Variants in ARHGAP6 observed in about 807,000 individuals in gnomAD.
ARHGAP6 encodes the protein rho GTPase-activating protein 6.
Under a neutral mutation model 55.7 loss-of-function variants are expected in ARHGAP6, and 16 were observed. The ratio of observed to expected loss-of-function variants is 0.29; its 90% CI spans 0.19 to 0.44. The LOEUF is 0.44. Ranked by LOEUF, ARHGAP6 falls within the 20% of genes least tolerant of loss-of-function variation. The pLI is 1.00. For missense variants in ARHGAP6, 698 were observed against 808.9 expected (o/e 0.86, Z 1.66); for synonymous variants, 382 against 360.9 (o/e 1.06, Z -0.66).
At chrX:11,583,702 G>C (rs1350386010) in intron 1 of ARHGAP6, among the ~76,000 whole-genome samples, 1 of 111,131 alleles carries the variant, frequency 9.0e-6, no homozygotes, top group Non-Finnish European at 1.9e-5. Context: ...TTTATCCCAG[G>C]AATTCAAGGA....
intron 9 of ARHGAP6, among the ~76,000 whole-genome samples, chrX:11,159,883 G>T (rs988402624): frequency 2.7e-5 from 3 of 110,802 alleles, no homozygotes; most frequent in Non-Finnish European, 3.8e-5. Context: ...TAAACAGAAA[G>T]ACATCATTTT....
intron 1 of ARHGAP6, among the ~76,000 whole-genome samples, chrX:11,584,378 A>G (rs1268459545): frequency 8.9e-6 from 1 of 112,071 alleles, no homozygotes; most frequent in East Asian, 2.8e-4. Flanking sequence ...TCAGCCACTA[A>G]AAGTCTATGG....
At chrX:11,572,113 T>C (rs2051526602) in intron 1 of ARHGAP6, among the ~76,000 whole-genome samples, 1 of 111,688 alleles carries the variant, frequency 9.0e-6, no homozygotes, top group Non-Finnish European at 1.9e-5. Context: ...CTGATTGACC[T>C]ATTAGATGCT....
intron 1 of ARHGAP6, among the ~76,000 whole-genome samples, chrX:11,458,834 A>C (rs2147815014): frequency 9.0e-6 from 1 of 111,405 alleles, no homozygotes; most frequent in African/African-American, 3.3e-5. Flanking sequence ...ATAAAAAGTA[A>C]ATATAATATA....
chrX:11,460,120 G>A (rs188935021), intron 1 of ARHGAP6, among the ~76,000 whole-genome samples: 57 of 110,770 alleles, frequency 5.1e-4, no homozygotes, highest in Admixed American at 3.9e-3. Flanking sequence ...ATGGGATGTT[G>A]CTCCTATGAT....
intron 1 of ARHGAP6, among the ~76,000 whole-genome samples, chrX:11,636,399 C>T (rs779740931): frequency 5.4e-5 from 6 of 111,346 alleles, no homozygotes; most frequent in African/African-American, 1.6e-4. Context: ...TTACTGTCAG[C>T]GCAGACTAAT....
At chrX:11,167,976 A>T (rs1323962039) in intron 9 of ARHGAP6, among the ~76,000 whole-genome samples, 2 of 112,094 alleles carry the variant, frequency 1.8e-5, no homozygotes, top group Non-Finnish European at 3.8e-5. Flanking sequence ...ACAAGATGCC[A>T]TTCTACCTCA....
At chrX:11,362,726 C>G (rs2049028794) in intron 1 of ARHGAP6, among the ~76,000 whole-genome samples, 1 of 110,774 alleles carries the variant, frequency 9.0e-6, no homozygotes, top group Non-Finnish European at 1.9e-5. Flanking sequence ...AAAAGTATTT[C>G]CTCCCTTGTC....
At chrX:11,538,717 C>T (rs941013665) in intron 1 of ARHGAP6, among the ~76,000 whole-genome samples, 4 of 111,295 alleles carry the variant, frequency 3.6e-5, no homozygotes, top group Non-Finnish European at 7.5e-5. Context: ...CTTATTTTTT[C>T]AGCATAGATT....
At chrX:11,206,362 A>G (rs925841632) in intron 2 of ARHGAP6, among the ~76,000 whole-genome samples, 3 of 112,219 alleles carry the variant, frequency 2.7e-5, no homozygotes, top group African/African-American at 9.7e-5. Flanking sequence ...CATCAAATTA[A>G]ACTTGTAAGT....
intron 1 of ARHGAP6, among the ~76,000 whole-genome samples, chrX:11,399,130 C>T (rs2049515157): frequency 2.7e-5 from 3 of 111,257 alleles, no homozygotes; most frequent in South Asian, 7.5e-4. Flanking sequence ...GAGATCTGTT[C>T]CTCTCTAATA....
At chrX:11,161,256 T>A (rs759469642) in intron 9 of ARHGAP6, among the ~76,000 whole-genome samples, 1 of 112,530 alleles carries the variant, frequency 8.9e-6, no homozygotes, top group South Asian at 3.7e-4. Flanking sequence ...ACTGGCTCAG[T>A]TATATTGGAT....
intron 1 of ARHGAP6, among the ~76,000 whole-genome samples, chrX:11,267,554 T>A (rs1337792705): frequency 8.9e-6 from 1 of 112,306 alleles, no homozygotes; most frequent in Non-Finnish European, 1.9e-5. Flanking sequence ...AGCCATGTTA[T>A]AAGTATCTAA....
intron 1 of ARHGAP6, chrX:11,351,690 A>C: frequency 2.1e-6 from 1 of 484,704 alleles, no homozygotes; most frequent in Non-Finnish European, 2.5e-6. Flanking sequence ...GTGCAGCTGG[A>C]ACTGTGCTAT....
At chrX:11,605,401 G>A (rs1389373734) in intron 1 of ARHGAP6, among the ~76,000 whole-genome samples, 2 of 111,506 alleles carry the variant, frequency 1.8e-5, no homozygotes, top group Non-Finnish European at 3.8e-5. Flanking sequence ...TCTGCTATAG[G>A]GAAGGTGTTT....
At chrX:11,435,237 T>C (rs147782290) in intron 1 of ARHGAP6, among the ~76,000 whole-genome samples, 1,463 of 112,353 alleles carry the variant, frequency 0.013, 20 homozygotes, top group African/African-American at 0.045. Flanking sequence ...CCCTACTTTA[T>C]GGTTAAAATT....
chrX:11,427,465 C>G, intron 1 of ARHGAP6: 2 of 903,682 alleles, frequency 2.2e-6, no homozygotes, highest in Non-Finnish European at 2.8e-6. Flanking sequence ...TGGGGAGCCC[C>G]GACTACCATC....
At chrX:11,319,880 T>C (rs954739930) in intron 1 of ARHGAP6, among the ~76,000 whole-genome samples, 1 of 112,412 alleles carries the variant, frequency 8.9e-6, no homozygotes, top group Non-Finnish European at 1.9e-5. Context: ...GCAGCTTCAT[T>C]TTGAAATTGG....
chrX:11,561,914 C>T (rs185164093), intron 1 of ARHGAP6, among the ~76,000 whole-genome samples: 13 of 112,110 alleles, frequency 1.2e-4, no homozygotes, highest in East Asian at 8.4e-4. Context: ...CAAATTCAGA[C>T]GGAGGCCAGT....
Sources: allele counts gnomAD v4.1 joint callset (sites outside exome capture counted in the v4.1 genomes callset), GRCh38; gene constraint gnomAD v4.1.1; transcripts MANE v1.5; gene names NCBI Gene and HGNC (gene_info 2026-07-23, HGNC 2026-07-21).